The following CDK6 variants were observed in gnomAD, a reference collection of about 807,000 sequenced individuals.
The protein encoded by CDK6 is cyclin-dependent kinase 6.
Under a neutral mutation model 37.1 loss-of-function variants are expected in CDK6, and 6 were observed. That is an observed-to-expected ratio of 0.16 (90% CI 0.09 to 0.32). CDK6 has a LOEUF of 0.32. Ranked by LOEUF, CDK6 falls within the 10% of genes least tolerant of loss-of-function variation. CDK6 has a pLI of 1.00. For synonymous variants in CDK6, 160 were observed against 161.3 expected, an observed-to-expected ratio of 0.99 and a Z score of 0.06; for missense variants, 224 against 418.9, an observed-to-expected ratio of 0.53 and a Z score of 4.06.
chr7:92,726,736 C>T (rs1469417137), intron 3 of CDK6, among the ~76,000 whole-genome samples: 1 of 152,178 alleles, frequency 6.6e-6, no homozygotes, highest in African/African-American at 2.4e-5. Flanking sequence ...AGAATATTAA[C>T]AGAGTCTTGA....
intron 6 of CDK6, 172 bp from the exon 7 acceptor site, chr7:92,618,379 T>C (rs1212087598): frequency 3.4e-6 from 2 of 581,736 alleles, no homozygotes; most frequent in Non-Finnish European, 6.0e-6. Flanking sequence ...TACTGCAATA[T>C]GGTGGCCATG....
At chr7:92,700,727 C>T (rs1163668578) in intron 4 of CDK6, among the ~76,000 whole-genome samples, 1 of 152,192 alleles carries the variant, frequency 6.6e-6, no homozygotes, top group African/African-American at 2.4e-5. Context: ...TGCCATAGGG[C>T]AGGACCTTTG....
intron 4 of CDK6, chr7:92,725,260 C>T (rs891319476): frequency 4.1e-6 from 4 of 985,316 alleles, no homozygotes; most frequent in Non-Finnish European, 4.8e-6. Flanking sequence ...GACAGGTCAA[C>T]GTTGCTCGTG....
At chr7:92,762,990 A>G (rs1022375161) in intron 3 of CDK6, among the ~76,000 whole-genome samples, 7 of 152,336 alleles carry the variant, frequency 4.6e-5, no homozygotes, top group East Asian at 3.9e-4. Flanking sequence ...GCAGTCCCCA[A>G]TCTTTGCTAC....
At chr7:92,819,457 T>C (rs972193080) in intron 2 of CDK6, among the ~76,000 whole-genome samples, 21 of 152,118 alleles carry the variant, frequency 1.4e-4, no homozygotes, top group African/African-American at 5.1e-4. Flanking sequence ...GTGGTGGTGG[T>C]TAGTAGGTGA....
At chr7:92,787,594 G>A (rs1469532595) in intron 2 of CDK6, among the ~76,000 whole-genome samples, 1 of 151,930 alleles carries the variant, frequency 6.6e-6, no homozygotes, top group Non-Finnish European at 1.5e-5. Flanking sequence ...ATTGTTCTAA[G>A]AGAAAAAATA....
At chr7:92,812,977 C>T (rs1295641470) in intron 2 of CDK6, among the ~76,000 whole-genome samples, 1 of 152,224 alleles carries the variant, frequency 6.6e-6, no homozygotes, top group African/African-American at 2.4e-5. Flanking sequence ...TGTGAGTTGA[C>T]TGCAGCCTTC....
At chr7:92,737,251 C>T (rs962851586) in intron 3 of CDK6, among the ~76,000 whole-genome samples, 6 of 152,164 alleles carry the variant, frequency 3.9e-5, no homozygotes, top group African/African-American at 1.2e-4. Flanking sequence ...ATGTGGATAG[C>T]CTTCTATCTT....
At chr7:92,654,908 C>T (rs1298216011) in intron 5 of CDK6, among the ~76,000 whole-genome samples, 2 of 152,006 alleles carry the variant, frequency 1.3e-5, no homozygotes, top group Admixed American at 1.3e-4. Flanking sequence ...TGCAATGGCA[C>T]AATCATGGCT....
In CDK6 at chr7:92,615,045, G is replaced by C. The variant is rs978495655; in HGVS notation, c.*95C>G. 7.6e-7 allele frequency: 1 copy of C among 1,317,776 alleles called. No individual in the cohort carries two copies. Among genetic ancestry groups the C allele is most frequent in the East Asian group, 2.4e-5 (1 of 41,854 alleles). The allele number at this position is 1,317,776 out of a possible 1,614,324, so 81.6% of individuals were successfully genotyped here. On this transcript the variant is annotated 3_prime_UTR_variant, in exon 8 of 8. Coordinates refer to ENST00000424848, the MANE Select transcript of CDK6 (RefSeq NM_001145306.2). ...ACAGCAGCTGGAAGGCCTCCAGATA[G>C]CAATCCTCCACAGCTCTGTAGGGCT...
intron 4 of CDK6, among the ~76,000 whole-genome samples, chr7:92,676,126 GT>G (rs1010018012): frequency 5.1e-4 from 77 of 149,524 alleles, no homozygotes; most frequent in African/African-American, 1.6e-3. Flanking sequence ...TTGTTGTTGA[GT>G]TTTTTTTTGA....
intron 4 of CDK6, among the ~76,000 whole-genome samples, chr7:92,689,049 A>T (rs1215708008): frequency 6.6e-6 from 1 of 152,066 alleles, no homozygotes; most frequent in Non-Finnish European, 1.5e-5. Flanking sequence ...TATTTTTTTT[A>T]AGTCAACAAA....
At chr7:92,660,453 A>T (rs1796810533) in intron 5 of CDK6, among the ~76,000 whole-genome samples, 1 of 152,236 alleles carries the variant, frequency 6.6e-6, no homozygotes. Context: ...ACTAATAGTG[A>T]CATCTTGGAG....
At chr7:92,816,718 C>T (rs563939110) in intron 2 of CDK6, among the ~76,000 whole-genome samples, 1 of 151,646 alleles carries the variant, frequency 6.6e-6, no homozygotes, top group South Asian at 2.1e-4. Context: ...AAGATAAAAA[C>T]AAAATAAGTA....
At chr7:92,697,458 A>G (rs186306711) in intron 4 of CDK6, among the ~76,000 whole-genome samples, 23 of 152,362 alleles carry the variant, frequency 1.5e-4, no homozygotes, top group Admixed American at 1.4e-3. Flanking sequence ...AGATAGGCAC[A>G]TAATTTTTTA....
At chr7:92,644,144 G>C (rs756257069) in intron 5 of CDK6, among the ~76,000 whole-genome samples, 3 of 152,158 alleles carry the variant, frequency 2.0e-5, no homozygotes, top group Non-Finnish European at 2.9e-5. Context: ...AAACAGCACT[G>C]GTGAGTCCTG....
rs118117039 is a variant in CDK6, at chr7:92,782,336, C to T, written c.234-7505G>A. Among the ~76,000 whole-genome samples the T allele has an allele frequency of 1.8e-4, 27 of 152,302 alleles. No individual in the cohort carries two copies. In the East Asian group the frequency reaches 4.4e-3, roughly 25 times the overall value. On this transcript the variant is annotated intron_variant, in intron 2 of 7. Coordinates refer to ENST00000424848, the MANE Select transcript of CDK6 (RefSeq NM_001145306.2). ...TAAACCACAGATGGTCTCTGCCTTT[C>T]CATCCATTTACCTCTCCTGGAAGCC...
chr7:92,644,064 G>A (rs962147051), intron 5 of CDK6, among the ~76,000 whole-genome samples: 2 of 152,170 alleles, frequency 1.3e-5, no homozygotes, highest in African/African-American at 4.8e-5. Flanking sequence ...CAGAGAACTG[G>A]GTCCAATTTT....
chr7:92,831,588 CAAATA>C (rs1801482698), intron 2 of CDK6, among the ~76,000 whole-genome samples: 1 of 152,026 alleles, frequency 6.6e-6, no homozygotes. Flanking sequence ...TTGTTTTTAA[CAAATA>C]AAATACACAT....
Sources: allele counts gnomAD v4.1 joint callset (sites outside exome capture counted in the v4.1 genomes callset), GRCh38; gene constraint gnomAD v4.1.1; transcripts MANE v1.5; gene names NCBI Gene and HGNC (gene_info 2026-07-23, HGNC 2026-07-21).